Variants in PLXNA2 observed in about 807,000 individuals in gnomAD.
PLXNA2 encodes the protein plexin A2.
Under a neutral mutation model 193.5 loss-of-function variants are expected in PLXNA2, and 91 were observed. The ratio of observed to expected loss-of-function variants is 0.47; its 90% CI spans 0.40 to 0.56. The LOEUF is 0.56. Ranked by LOEUF, PLXNA2 falls within the 20% of genes least tolerant of loss-of-function variation. PLXNA2 has a pLI of 0.00. For missense variants in PLXNA2, 1,995 were observed against 2,503.2 expected (o/e 0.80, Z 4.33); for synonymous variants, 997 against 1,027.3 (o/e 0.97, Z 0.56).
rs889847498 is a variant in PLXNA2 at position 208,236,965 on chromosome 1, C to A, written c.-81+6678G>T. Among the ~76,000 whole-genome samples the A allele has an allele frequency of 6.6e-6, 1 of 152,254 alleles. No individual in the cohort carries two copies. Among genetic ancestry groups the A allele is most frequent in the Non-Finnish European group, 1.5e-5 (1 of 68,048 alleles). ...GACAGCATCACTGATGTGGCTCCCC[C>A]AGCCTCAGACGAGGTGCAGGGAGAG... On this transcript the variant is annotated intron_variant, in intron 1 of 31. Coordinates refer to ENST00000367033, the MANE Select transcript of PLXNA2 (RefSeq NM_025179.4). This position sits in a 1 kb window ranked among gnomAD's most constrained non-coding sequence, Gnocchi z 4.4.
chr1:208,233,067 C>T lies in PLXNA2; in HGVS notation c.-81+10576G>A, dbSNP rs145591121. The stretch of plus-strand genomic sequence containing the variant: ...TTGAATTCCCTAAATGTTGTAGAGC[C>T]CATTCCCTCCCTAAGTAGCCTTTTC... On this transcript the variant is annotated intron_variant, in intron 1 of 31. Coordinates refer to ENST00000367033, the MANE Select transcript of PLXNA2 (RefSeq NM_025179.4). Among the ~76,000 whole-genome samples, 1,150 of 152,208 alleles carry T rather than the reference C, an allele frequency of 7.6e-3. 11 individuals carry two copies. The highest frequency in any genetic ancestry group is 0.027 in the African/African-American group (1,101 of 41,530).
chr1:208,104,115 A>G (rs1667185378), intron 4 of PLXNA2, among the ~76,000 whole-genome samples: 1 of 152,208 alleles, frequency 6.6e-6, no homozygotes, highest in South Asian at 2.1e-4. Flanking sequence ...GGGCTGCAAA[A>G]ACATTTGCTG....
In PLXNA2 at chr1:208,025,823, A is replaced by C. The variant is rs1286521529; in HGVS notation, c.*1420T>G. 6.6e-6 allele frequency: 1 copy of C among 152,370 alleles called. No individual in the cohort carries two copies. Among genetic ancestry groups the C allele is most frequent in the Non-Finnish European group, 1.5e-5 (1 of 68,048 alleles). 9.4% of individuals were successfully genotyped at this position (152,370 alleles called of 1,614,324 possible). On this transcript the variant is annotated 3_prime_UTR_variant, in exon 32 of 32. Coordinates refer to ENST00000367033, the MANE Select transcript of PLXNA2 (RefSeq NM_025179.4). The stretch of plus-strand genomic sequence containing the variant: ...CAGAAGAGACAGAGAAGGAAAGTCC[A>C]GTGAGAAGTCATCCACTTGTCCTTC...
chr1:208,215,514 T>C (rs1671095630), intron 2 of PLXNA2, among the ~76,000 whole-genome samples: 1 of 151,120 alleles, frequency 6.6e-6, no homozygotes, highest in Non-Finnish European at 1.5e-5. Context: ...AAAAGAGGGA[T>C]GAGTGGATAA....
rs756322985 is a variant in PLXNA2 at position 208,096,779 on chromosome 1, G to C, written c.1836C>G (p.Ile612Met). The change falls in exon 7 of 32, where the codon ATC (isoleucine) becomes ATG (methionine). Residue 612 changes from isoleucine to methionine, a missense_variant. This residue lies in a region of PLXNA2 where 702 missense variants were observed against 812.9 expected (regional missense o/e 0.86). Coordinates refer to ENST00000367033, the MANE Select transcript of PLXNA2 (RefSeq NM_025179.4). ...VEGQVSGSQVICISPGPKDVP... is the reference protein window; with the variant it reads ...VEGQVSGSQVMCISPGPKDVP... ...CATCCTTGGGCCCAGGTGAGATGCAGATGACCTGGCTCCCGGACACCTGCC... is the reference window on the plus strand; with the variant it reads ...CATCCTTGGGCCCAGGTGAGATGCACATGACCTGGCTCCCGGACACCTGCC... 3 of 1,614,178 alleles carry C rather than the reference G, an allele frequency of 1.9e-6. No individual in the cohort carries two copies. In the East Asian group the frequency reaches 6.7e-5, roughly 36 times the overall value.
At chr1:208,136,587 C>T (rs1035329977) in intron 4 of PLXNA2, among the ~76,000 whole-genome samples, 3 of 152,220 alleles carry the variant, frequency 2.0e-5, no homozygotes, top group Admixed American at 6.5e-5. Context: ...CCTCACACAT[C>T]GGCCTGGGGC....
intron 28 of PLXNA2, 129 bp from the exon 29 acceptor site, chr1:208,031,888 G>C (rs969126773): frequency 1.6e-6 from 2 of 1,269,294 alleles, no homozygotes; most frequent in Non-Finnish European, 2.1e-6. Context: ...TGCAGGCAGT[G>C]TTGCGGGGTG....
intron 22 of PLXNA2, among the ~76,000 whole-genome samples, chr1:208,041,528 C>T (rs577316694): frequency 2.0e-5 from 3 of 152,340 alleles, no homozygotes; most frequent in African/African-American, 7.2e-5. Context: ...ATAGAACCTT[C>T]TGCGATAATG....
chr1:208,032,245 T>G (rs1231537805), intron 28 of PLXNA2: 1 of 591,244 alleles, frequency 1.7e-6, no homozygotes, highest in African/African-American at 2.0e-5. Flanking sequence ...ATGTGGAATG[T>G]GGGTGAAGGG....
intron 1 of PLXNA2, among the ~76,000 whole-genome samples, chr1:208,219,421 TG>T (rs1403097491): frequency 1.3e-5 from 2 of 152,192 alleles, no homozygotes; most frequent in African/African-American, 4.8e-5. Flanking sequence ...GGCAGCGAGC[TG>T]TCCGGCAGAG....
chr1:208,188,388 A>T (rs1479252651), intron 3 of PLXNA2, among the ~76,000 whole-genome samples: 1 of 152,178 alleles, frequency 6.6e-6, no homozygotes, highest in Non-Finnish European at 1.5e-5. Context: ...TTACTGACTC[A>T]ATAATCTCAG....
rs116258479 is a variant in PLXNA2 at position 208,168,941 on chromosome 1, C to T, written c.1372-26478G>A. 6.0e-3 allele frequency among the ~76,000 whole-genome samples: 915 copies of T among 151,978 alleles called. 4 individuals carry two copies. Among genetic ancestry groups the T allele is most frequent in the African/African-American group, 0.021 (869 of 41,464 alleles). On this transcript the variant is annotated intron_variant, in intron 3 of 31. Transcript: ENST00000367033. ...AGAATACCAGGCTTCTCCAGGATCA[C>T]GGACTCTCAACTCCACCCCCATATT...
intron 1 of PLXNA2, among the ~76,000 whole-genome samples, chr1:208,238,155 C>A (rs1424103421): frequency 2.0e-5 from 3 of 152,138 alleles, no homozygotes; most frequent in Non-Finnish European, 4.4e-5. Context: ...TCCGTCCTCT[C>A]AAAGCGTCGG....
intron 12 of PLXNA2, among the ~76,000 whole-genome samples, chr1:208,065,175 C>T (rs1291901421): frequency 2.0e-5 from 3 of 152,290 alleles, no homozygotes; most frequent in Middle Eastern, 3.4e-3. Context: ...CAGAGTGCCC[C>T]AATGACAGAA....
At chr1:208,160,533 C>G (rs535145382) in intron 3 of PLXNA2, among the ~76,000 whole-genome samples, 9 of 152,362 alleles carry the variant, frequency 5.9e-5, no homozygotes, top group African/African-American at 1.7e-4. Context: ...GGCTTCCACA[C>G]AGGAACGTCA....
Position 208,027,212 on chromosome 1 carries a change from C to A in PLXNA2, c.*31G>T, listed in dbSNP as rs770932545. On this transcript the variant is annotated 3_prime_UTR_variant, in exon 32 of 32. Coordinates refer to ENST00000367033, the MANE Select transcript of PLXNA2 (RefSeq NM_025179.4). ...TCCCAGTGTGACAGCTTGGACAGGT[C>A]CCTCTTCCCAGGAATGCGAGGCTCC... The A allele has an allele frequency of 1.3e-6, 2 of 1,569,380 alleles. No individual in the cohort carries two copies. Among genetic ancestry groups the A allele is most frequent in the South Asian group, 1.1e-5 (1 of 90,106 alleles).
rs1672147058 is a variant in PLXNA2 at position 208,243,927 on chromosome 1, G to C, written c.-365C>G. 6.6e-6 allele frequency: 1 copy of C among 152,318 alleles called. No individual in the cohort carries two copies. The highest frequency in any genetic ancestry group is 6.5e-5 in the Admixed American group (1 of 15,290). 9.4% of individuals were successfully genotyped at this position (152,318 alleles called of 1,614,324 possible). A position where few individuals can be genotyped will look rare whatever the true frequency, so the allele number is the denominator to read the frequency against. ...TGTCGCCGGCTCTCAGGGGGCACCC[G>C]GAGGCGCCGAGGGGGCGTGTGGGGG... On this transcript the variant is annotated 5_prime_UTR_variant, in exon 1 of 32. Transcript: ENST00000367033.
At chr1:208,086,839 C>T (rs982051469) in intron 9 of PLXNA2, among the ~76,000 whole-genome samples, 5 of 150,228 alleles carry the variant, frequency 3.3e-5, no homozygotes, top group African/African-American at 9.8e-5. Context: ...GCCCAGGCAT[C>T]TCATAGAAAA....
At chr1:208,046,626 G>A (rs2102327096) in intron 17 of PLXNA2, among the ~76,000 whole-genome samples, 1 of 149,956 alleles carries the variant, frequency 6.7e-6, no homozygotes, top group South Asian at 2.1e-4. Flanking sequence ...ACTCATGGAA[G>A]TTTTCCCATG....
Sources: gnomAD v4.1 joint callset for allele counts (sites outside exome capture counted in the v4.1 genomes callset) on GRCh38, gnomAD v4.1.1 for gene constraint, gnomAD v4.1.1 regional missense constraint, Gnocchi (gnomAD v3.1) non-coding constraint, MANE v1.5 for transcripts, NCBI Gene and HGNC (gene_info 2026-07-23, HGNC 2026-07-21) for gene names.